The following DMXL1 variants were observed in gnomAD, a reference collection of about 807,000 sequenced individuals.
DMXL1 encodes the protein Dmx like 1, also known as dmX-like protein 1.
In DMXL1, 99 loss-of-function variants were observed where a neutral mutation model predicts 319.2. The ratio of observed to expected loss-of-function variants is 0.31; its 90% CI spans 0.26 to 0.37. The LOEUF is 0.37. Among genes scored for constraint, DMXL1 ranks in the 10% least tolerant of loss-of-function variants. The pLI, the probability that DMXL1 is intolerant of heterozygous loss-of-function variation, is 1.00. For synonymous variants in DMXL1, 1,385 were observed against 1,235.2 expected (o/e 1.12, Z -2.54); for missense variants, 3,745 against 3,595.6 (o/e 1.04, Z -1.06).
intron 8 of DMXL1, among the ~76,000 whole-genome samples, chr5:119,120,671 A>G (rs1007355513): frequency 6.6e-6 from 1 of 152,204 alleles, no homozygotes; most frequent in Non-Finnish European, 1.5e-5. Flanking sequence ...AATTTTTAAC[A>G]TTTGATTTTA....
At chr5:119,098,424 TAAACTA>T (rs1756475361) in intron 2 of DMXL1, among the ~76,000 whole-genome samples, 1 of 148,996 alleles carries the variant, frequency 6.7e-6, no homozygotes, top group Non-Finnish European at 1.5e-5. Context: ...TATTTACAAA[TAAACTA>T]AAGGAAATGA....
chr5:119,164,338 T>TA (rs1254305775), intron 19 of DMXL1, among the ~76,000 whole-genome samples, 169 bp from the exon 20 acceptor site: 1 of 152,190 alleles, frequency 6.6e-6, no homozygotes, highest in African/African-American at 2.4e-5. Context: ...ATTGGAGTGA[T>TA]ACAGTTATTT....
intron 1 of DMXL1, among the ~76,000 whole-genome samples, chr5:119,086,214 T>G (rs935265146): frequency 6.6e-6 from 1 of 152,172 alleles, no homozygotes; most frequent in East Asian, 1.9e-4. Context: ...CTCGTGAGAC[T>G]TATTCACTAC....
intron 1 of DMXL1, among the ~76,000 whole-genome samples, chr5:119,072,331 A>G (rs544240963): frequency 1.3e-5 from 2 of 152,314 alleles, no homozygotes; most frequent in African/African-American, 2.4e-5. Context: ...ACTTGTCAGT[A>G]TAGTGGCATT....
Position 119,181,866 on chromosome 5 carries a change from A to G in DMXL1, c.7135+3622A>G, listed in dbSNP as rs148588728. On this transcript the variant is annotated intron_variant, in intron 28 of 43. Transcript: ENST00000539542. ...AGAGGAAAGGAAAGAAGCGAAGAGA[A>G]AGGGAAAGAAGCGAAGGTCCTGTGG... Among the ~76,000 whole-genome samples the G allele has an allele frequency of 6.2e-4, 94 of 152,264 alleles. No individual in the cohort carries two copies. The East Asian group carries it at 0.016, about 27-fold the overall frequency.
chr5:119,159,594 C>T (rs911137043), intron 19 of DMXL1, among the ~76,000 whole-genome samples: 41 of 152,278 alleles, frequency 2.7e-4, no homozygotes, highest in Admixed American at 5.2e-4. Flanking sequence ...TGTAGTGTCT[C>T]TTCGTTAACT....
intron 2 of DMXL1, among the ~76,000 whole-genome samples, chr5:119,099,740 G>A (rs903303657): frequency 6.6e-6 from 1 of 152,164 alleles, no homozygotes; most frequent in Non-Finnish European, 1.5e-5. Flanking sequence ...GGTGGCTCAT[G>A]CCTGTAATCC....
At chr5:119,085,764 A>G (rs1753222941) in intron 1 of DMXL1, among the ~76,000 whole-genome samples, 1 of 152,156 alleles carries the variant, frequency 6.6e-6, no homozygotes, top group African/African-American at 2.4e-5. Flanking sequence ...CTTGTTCCAT[A>G]TCTTAGAGGA....
intron 9 of DMXL1, among the ~76,000 whole-genome samples, chr5:119,123,002 A>G (rs1360261092): frequency 6.6e-6 from 1 of 152,148 alleles, no homozygotes; most frequent in Non-Finnish European, 1.5e-5. Flanking sequence ...ACTGCACTCC[A>G]GCCTGGGCAC....
chr5:119,232,899 A>AT (rs894357068), intron 38 of DMXL1, among the ~76,000 whole-genome samples: 7 of 151,840 alleles, frequency 4.6e-5, no homozygotes, highest in Non-Finnish European at 1.0e-4. Flanking sequence ...TTTAGAACTG[A>AT]TTTTTTTCTT....
intron 3 of DMXL1, 172 bp downstream of exon 3, chr5:119,102,178 G>T: frequency 2.3e-6 from 1 of 431,512 alleles, no homozygotes; most frequent in Non-Finnish European, 4.2e-6. Flanking sequence ...CATTGGAATA[G>T]AACTAAAATA....
chr5:119,089,677 G>C (rs1330059015), intron 1 of DMXL1, among the ~76,000 whole-genome samples: 2 of 144,448 alleles, frequency 1.4e-5, no homozygotes, highest in South Asian at 4.4e-4. Context: ...CCAGGCTGGT[G>C]TGCAATGGCG....
Position 119,203,998 on chromosome 5 carries a change from A to G in DMXL1, c.7863+562A>G, listed in dbSNP as rs1781301176. On this transcript the variant is annotated intron_variant, in intron 33 of 43. Coordinates refer to ENST00000539542, the MANE Select transcript of DMXL1 (RefSeq NM_001290321.3). ...CCACCACGCCCAACTAATTTTTTGT[A>G]TTTTTAGTAGAGACGGGGTTTCACT... Among the ~76,000 whole-genome samples, 3 of 151,620 alleles carry G rather than the reference A, an allele frequency of 2.0e-5. No homozygotes were observed. In the South Asian group the frequency reaches 6.2e-4, roughly 32 times the overall value.
chr5:119,211,412 G>A (rs982573117), intron 34 of DMXL1, among the ~76,000 whole-genome samples: 1 of 152,094 alleles, frequency 6.6e-6, no homozygotes, highest in African/African-American at 2.4e-5. Flanking sequence ...GGGCAATTCA[G>A]GTTTATCTAT....
At chr5:119,121,334 G>A (rs1340470851) in intron 9 of DMXL1, among the ~76,000 whole-genome samples, 195 bp downstream of exon 9, 1 of 151,070 alleles carries the variant, frequency 6.6e-6, no homozygotes, top group Non-Finnish European at 1.5e-5. Context: ...TGCAGAGGGA[G>A]GTTTGGCACG....
intron 29 of DMXL1, among the ~76,000 whole-genome samples, chr5:119,193,418 T>C (rs1323405374): frequency 6.6e-6 from 1 of 152,222 alleles, no homozygotes; most frequent in Admixed American, 6.5e-5. Flanking sequence ...GTTCTCGTAC[T>C]TTTCAAAGAG....
intron 3 of DMXL1, chr5:119,104,401 T>C (rs776720440): frequency 1.3e-5 from 2 of 152,232 alleles, no homozygotes; most frequent in Non-Finnish European, 2.9e-5. Flanking sequence ...ATCCTGAAGC[T>C]TTTGAACCTG....
At chr5:119,143,801 G>GAA (rs1394213727) in intron 13 of DMXL1, 40 bp from the exon 14 acceptor site, 2 of 1,348,054 alleles carry the variant, frequency 1.5e-6, no homozygotes, top group African/African-American at 1.5e-5. Flanking sequence ...ATTTGCATAT[G>GAA]AATTGTTTAG....
chr5:119,077,085 G>A (rs1751041869), intron 1 of DMXL1, among the ~76,000 whole-genome samples: 1 of 151,752 alleles, frequency 6.6e-6, no homozygotes, highest in Non-Finnish European at 1.5e-5. Flanking sequence ...GGAACTCCTG[G>A]CCTCAAGTGA....
Sources: allele counts gnomAD v4.1 joint callset (sites outside exome capture counted in the v4.1 genomes callset), GRCh38; gene constraint gnomAD v4.1.1; transcripts MANE v1.5; gene names NCBI Gene and HGNC (gene_info 2026-07-23, HGNC 2026-07-21).